The following SLC9A4 variants were observed in gnomAD, a reference collection of about 807,000 sequenced individuals.
The protein encoded by SLC9A4 is solute carrier family 9 member A4.
A neutral mutation model predicts 67.4 loss-of-function variants in SLC9A4; 63 were observed. The ratio of observed to expected loss-of-function variants is 0.93; its 90% CI spans 0.76 to 1.15. The LOEUF is 1.15. Ranked by LOEUF, SLC9A4 falls within the 50% of genes most tolerant of loss-of-function variation. SLC9A4 has a pLI of 0.00. For missense variants in SLC9A4, 1,089 were observed against 987.7 expected (o/e 1.10, Z -1.38); for synonymous variants, 393 against 367.2 (o/e 1.07, Z -0.80).
rs150570421 is a variant in SLC9A4 at position 102,527,769 on chromosome 2, C to T, written c.2038+1423C>T. On this transcript the variant is annotated intron_variant, in intron 11 of 11. Transcript: ENST00000295269. ...CAAACTTTTGAGTAATCTGTGATATCGTAGCATAAAATTTATATGTCAGAT... is the reference window on the plus strand; with the variant it reads ...CAAACTTTTGAGTAATCTGTGATATTGTAGCATAAAATTTATATGTCAGAT... 3.0e-4 allele frequency among the ~76,000 whole-genome samples: 45 copies of T among 152,252 alleles called. No individual in the cohort carries two copies. In the East Asian group the frequency reaches 6.4e-3, roughly 22 times the overall value.
rs1052529996 is a variant in SLC9A4, at chr2:102,473,743, A to G, written c.-17A>G. The G allele has an allele frequency of 6.2e-7, 1 of 1,612,572 alleles. No homozygotes were observed. Among genetic ancestry groups the G allele is most frequent in the Admixed American group, 1.7e-5 (1 of 59,960 alleles). ...CACACATCCACACAGGGGTGTAGGT[A>G]GGAGAAGCCCACAGGAATGGCTCTG... On this transcript the variant is annotated 5_prime_UTR_variant, in exon 1 of 12. Coordinates refer to ENST00000295269, the MANE Select transcript of SLC9A4 (RefSeq NM_001011552.4).
intron 2 of SLC9A4, among the ~76,000 whole-genome samples, chr2:102,479,961 G>A (rs887047838): frequency 2.6e-5 from 4 of 152,168 alleles, no homozygotes; most frequent in African/African-American, 9.7e-5. Context: ...CTGGAATATT[G>A]AGAACTAGCC....
chr2:102,488,548 CTTTTTTTTT>C (rs5833020), intron 2 of SLC9A4, among the ~76,000 whole-genome samples: 1 of 124,016 alleles, frequency 8.1e-6, no homozygotes, highest in Non-Finnish European at 1.7e-5. Context: ...AATCTAATTC[CTTTTTTTTT>C]TTTTTTTTTG....
chr2:102,499,523 T>C (rs949894003), intron 2 of SLC9A4, among the ~76,000 whole-genome samples: 5 of 152,148 alleles, frequency 3.3e-5, no homozygotes, highest in South Asian at 2.1e-4. Flanking sequence ...GTTCATGGTA[T>C]GTGTGTGTGT....
chr2:102,532,853 G>A lies in SLC9A4; in HGVS notation c.*165G>A, dbSNP rs1235918404. ...GGAAGATTTTTTCCAAGGACTGGGA[G>A]CAAACTTGCAGGCTCTGCCATGTAC... On this transcript the variant is annotated 3_prime_UTR_variant, in exon 12 of 12. Transcript: ENST00000295269. 7.3e-6 allele frequency: 5 copies of A among 685,772 alleles called. No homozygotes were observed. Among genetic ancestry groups the A allele is most frequent in the Admixed American group, 3.0e-5 (1 of 33,612 alleles). The allele number at this position is 685,772 out of a possible 1,614,324, so 42.5% of individuals were successfully genotyped here. A position where few individuals can be genotyped will look rare whatever the true frequency, so the allele number is the denominator to read the frequency against.
At chr2:102,482,247 C>T (rs925314145) in intron 2 of SLC9A4, among the ~76,000 whole-genome samples, 5 of 152,160 alleles carry the variant, frequency 3.3e-5, no homozygotes, top group African/African-American at 9.7e-5. Context: ...GATGAGTCTT[C>T]GGATGTCCAG....
At chr2:102,513,661 C>G (rs888376001) in intron 7 of SLC9A4, among the ~76,000 whole-genome samples, 2 of 152,206 alleles carry the variant, frequency 1.3e-5, no homozygotes, top group South Asian at 4.1e-4. Context: ...TTATTGGGTT[C>G]TGGTTGAATA....
intron 2 of SLC9A4, among the ~76,000 whole-genome samples, chr2:102,484,358 C>T (rs1684540003): frequency 1.3e-5 from 2 of 152,114 alleles, no homozygotes; most frequent in Admixed American, 6.6e-5. Context: ...GACTTAAGTC[C>T]AGTGAGTGAA....
At chr2:102,505,161 G>A in intron 3 of SLC9A4, 93 bp from the exon 4 acceptor site, 1 of 1,117,086 alleles carries the variant, frequency 9.0e-7, no homozygotes, top group South Asian at 1.4e-5. Context: ...ATCAACACGG[G>A]CTTCATGCAT....
At chr2:102,512,406 G>C in intron 7 of SLC9A4, 133 bp downstream of exon 7, 1 of 908,262 alleles carries the variant, frequency 1.1e-6, no homozygotes, top group Non-Finnish European at 1.7e-6. Flanking sequence ...CCTACAGGAA[G>C]TGGTTGAAAT....
chr2:102,479,240 G>T lies in SLC9A4; in HGVS notation c.658G>T (p.Val220Leu), dbSNP rs182965523. ...GCTAGCCGTGTTTGAGGAAGCGCGC[G>T]TGAACGAGCAGCTCTACATGATGAT... The part of the protein sequence containing the change: ...AVLAVFEEAR[V>L]NEQLYMMIFG... Residue 220 changes from valine (V) to leucine (L), a missense_variant, in exon 2 of 12, where the codon GTG becomes TTG. By Grantham distance (32) the Val-to-Leu change is conservative. Coordinates refer to ENST00000295269, the MANE Select transcript of SLC9A4 (RefSeq NM_001011552.4). The T allele has an allele frequency of 1.9e-6, 3 of 1,614,020 alleles. No homozygotes were observed. Among genetic ancestry groups the T allele is most frequent in the African/African-American group, 2.7e-5 (2 of 74,932 alleles).
rs190644082 is a variant in SLC9A4 at position 102,492,152 on chromosome 2, C to T, written c.721-11296C>T. 3.1e-3 allele frequency among the ~76,000 whole-genome samples: 479 copies of T among 152,360 alleles called. 1 individual carries two copies. The highest frequency in any genetic ancestry group is 5.7e-3 in the Non-Finnish European group (389 of 68,030). ...CCTCCCCCACCACCCCAGCTGCTTT[C>T]ATGGGCTGGTGTTGAGGGTCTGTGG... is the stretch of plus-strand genomic sequence containing the variant. On this transcript the variant is annotated intron_variant, in intron 2 of 11. Transcript: ENST00000295269.
intron 2 of SLC9A4, among the ~76,000 whole-genome samples, chr2:102,481,299 T>G (rs1046962813): frequency 1.3e-5 from 2 of 152,214 alleles, no homozygotes; most frequent in Non-Finnish European, 2.9e-5. Flanking sequence ...TTCTTATATC[T>G]TTGACAAGGG....
chr2:102,499,817 C>T (rs4851014), intron 2 of SLC9A4, among the ~76,000 whole-genome samples: 107,798 of 152,142 alleles, frequency 0.71, 38,915 homozygotes, highest in Middle Eastern at 0.77. Flanking sequence ...AATTTATACA[C>T]TCAAAACCTG....
At chr2:102,474,688 A>G in intron 1 of SLC9A4, among the ~76,000 whole-genome samples, 1 of 152,306 alleles carries the variant, frequency 6.6e-6, no homozygotes, top group East Asian at 1.9e-4. Context: ...TGTGTCAAAA[A>G]CCAAAGAGGT....
At chr2:102,489,765 T>C (rs917945979) in intron 2 of SLC9A4, among the ~76,000 whole-genome samples, 1 of 152,194 alleles carries the variant, frequency 6.6e-6, no homozygotes, top group Non-Finnish European at 1.5e-5. Context: ...GGTCTTTTTT[T>C]CCCCTCATTT....
In SLC9A4 at chr2:102,479,265, TC is replaced by T; in HGVS notation, c.684del (p.Phe229LeufsTer18). The T allele has an allele frequency of 6.2e-7, 1 of 1,613,378 alleles. No homozygotes were observed. Among genetic ancestry groups the T allele is most frequent in the Non-Finnish European group, 8.5e-7 (1 of 1,179,678 alleles). The stretch of plus-strand genomic sequence containing the variant: ...GTGAACGAGCAGCTCTACATGATGA[TC>T]TTTGGGGAGGCCCTGCTCAATGATG... ...ARVNEQLYMM[I>X]FGEALLNDGI... is the part of the protein sequence containing the mutation. On this transcript the variant is annotated frameshift_variant, in exon 2 of 12. Coordinates refer to ENST00000295269, the MANE Select transcript of SLC9A4 (RefSeq NM_001011552.4). LOFTEE classifies it high-confidence loss of function.
chr2:102,518,435 G>T lies in SLC9A4; in HGVS notation c.1722-1424G>T, dbSNP rs116209639. The stretch of plus-strand genomic sequence containing the variant: ...ATATCTAAATCAGAATAAATGTTAT[G>T]TGAAGGACATTTAAACAGTTAGGTT... On this transcript the variant is annotated intron_variant, in intron 8 of 11. Transcript: ENST00000295269. Among the ~76,000 whole-genome samples, 518 of 152,282 alleles carry T rather than the reference G, an allele frequency of 3.4e-3. 6 individuals are homozygous for T. The highest frequency in any genetic ancestry group is 0.011 in the African/African-American group (477 of 41,550).
chr2:102,483,911 A>T (rs1294069974), intron 2 of SLC9A4, among the ~76,000 whole-genome samples: 1 of 148,480 alleles, frequency 6.7e-6, no homozygotes, highest in East Asian at 2.0e-4. Flanking sequence ...TCTCATATAT[A>T]TTTATATATT....
Sources: gnomAD v4.1 joint callset for allele counts (sites outside exome capture counted in the v4.1 genomes callset) on GRCh38, gnomAD v4.1.1 for gene constraint, MANE v1.5 for transcripts, NCBI Gene and HGNC (gene_info 2026-07-23, HGNC 2026-07-21) for gene names.